PLAC1: variants seen among roughly 807,000 people sequenced by gnomAD.
PLAC1 encodes placenta associated 1, also known as placenta-specific protein 1.
For synonymous variants in PLAC1, 68 were observed against 62.1 expected, an observed-to-expected ratio of 1.09 and a Z score of -0.44; for missense variants, 136 against 163.2, an observed-to-expected ratio of 0.83 and a Z score of 0.91.
chrX:134,631,986 T>C (rs2078264676), intron 1 of PLAC1, among the ~76,000 whole-genome samples: 1 of 112,013 alleles, frequency 8.9e-6, no homozygotes, highest in African/African-American at 3.2e-5. Context: ...AGACTGAAGG[T>C]GGAACGAAAT....
chrX:134,622,814 A>G (rs1177017515), intron 1 of PLAC1, among the ~76,000 whole-genome samples: 1 of 111,995 alleles, frequency 8.9e-6, no homozygotes, highest in Non-Finnish European at 1.9e-5. Context: ...ATGACCTCTA[A>G]GGGTTCTTCC....
intron 2 of PLAC1, among the ~76,000 whole-genome samples, chrX:134,714,425 C>A (rs2078637454): frequency 9.1e-6 from 1 of 110,225 alleles, no homozygotes; most frequent in Non-Finnish European, 1.9e-5. Flanking sequence ...AGGGCACTAA[C>A]CTTTCATGGC....
intron 2 of PLAC1, among the ~76,000 whole-genome samples, chrX:134,583,236 G>A (rs1226186190): frequency 1.4e-5 from 1 of 72,227 alleles, no homozygotes; most frequent in Non-Finnish European, 2.7e-5. Flanking sequence ...ATAATGATAA[G>A]GAGGGTTTTC....
At chrX:134,672,300 T>C (rs2078458379) in intron 2 of PLAC1, among the ~76,000 whole-genome samples, 1 of 110,925 alleles carries the variant, frequency 9.0e-6, no homozygotes, top group African/African-American at 3.3e-5. Context: ...CAAGGGCTTA[T>C]CATAACATCC....
chrX:134,759,907 A>G (rs1400381117), intron 1 of PLAC1, among the ~76,000 whole-genome samples: 1 of 111,535 alleles, frequency 9.0e-6, no homozygotes, highest in African/African-American at 3.3e-5. Flanking sequence ...GATAACAGAG[A>G]CTGGGAAGGG....
At chrX:134,635,522 T>A (rs1332307492) in intron 1 of PLAC1, among the ~76,000 whole-genome samples, 2 of 110,865 alleles carry the variant, frequency 1.8e-5, no homozygotes, top group Non-Finnish European at 3.8e-5. Flanking sequence ...AAAAAAATCA[T>A]ACAGACAGGG....
chrX:134,629,857 A>C (rs2078252000), intron 1 of PLAC1, among the ~76,000 whole-genome samples: 1 of 111,584 alleles, frequency 9.0e-6, no homozygotes, highest in East Asian at 2.8e-4. Flanking sequence ...GCTGAGGTGT[A>C]GCTCTTTGCA....
At chrX:134,726,626 C>A (rs2078675032) in intron 2 of PLAC1, among the ~76,000 whole-genome samples, 1 of 110,198 alleles carries the variant, frequency 9.1e-6, no homozygotes, top group Non-Finnish European at 1.9e-5. Flanking sequence ...AGATCGAGAC[C>A]ATCCTGGCCA....
At chrX:134,696,810 C>T (rs1024328182) in intron 2 of PLAC1, among the ~76,000 whole-genome samples, 1 of 109,662 alleles carries the variant, frequency 9.1e-6, no homozygotes, top group Non-Finnish European at 1.9e-5. Flanking sequence ...GGGAGGATCA[C>T]GAGGTCAGGA....
intron 1 of PLAC1, among the ~76,000 whole-genome samples, chrX:134,614,102 C>A (rs2078167691): frequency 9.0e-6 from 1 of 110,604 alleles, no homozygotes; most frequent in Admixed American, 9.7e-5. Flanking sequence ...GGGCCCACCT[C>A]CTCCAGGAAG....
chrX:134,740,313 G>A (rs1382900326), intron 1 of PLAC1, among the ~76,000 whole-genome samples: 3 of 87,544 alleles, frequency 3.4e-5, no homozygotes, highest in East Asian at 6.5e-4. Flanking sequence ...GTGAAATTCC[G>A]TCTCCAAAAA....
chrX:134,673,418 T>G (rs992930034), intron 2 of PLAC1, among the ~76,000 whole-genome samples: 1 of 109,812 alleles, frequency 9.1e-6, no homozygotes, highest in Non-Finnish European at 1.9e-5. Flanking sequence ...TTGAGTGTAT[T>G]TGTGTGACAG....
chrX:134,589,933 C>T (rs1297536242), intron 2 of PLAC1, among the ~76,000 whole-genome samples: 23 of 110,339 alleles, frequency 2.1e-4, no homozygotes, highest in Non-Finnish European at 1.5e-4. Flanking sequence ...CGGTGGCTCA[C>T]GCCTGTAATC....
At chrX:134,762,821 C>CAAAA (rs60721487) in intron 1 of PLAC1, among the ~76,000 whole-genome samples, 47 of 14,821 alleles carry the variant, frequency 3.2e-3, no homozygotes, top group East Asian at 4.2e-3. Flanking sequence ...GGCTCTATCT[C>CAAAA]AAAAAAAAAA....
chrX:134,751,284 G>A (rs932357840), intron 1 of PLAC1, among the ~76,000 whole-genome samples: 6 of 108,985 alleles, frequency 5.5e-5, no homozygotes, highest in African/African-American at 2.0e-4. Context: ...TCCCATCATC[G>A]TGGAAAGTTC....
At chrX:134,655,235 G>A (rs1224555983) in intron 1 of PLAC1, among the ~76,000 whole-genome samples, 1 of 108,872 alleles carries the variant, frequency 9.2e-6, no homozygotes, top group East Asian at 2.8e-4. Context: ...ATAGATCAAA[G>A]AAGTAGAACA....
intron 2 of PLAC1, among the ~76,000 whole-genome samples, chrX:134,691,490 G>A (rs1214685953): frequency 1.8e-5 from 2 of 111,226 alleles, no homozygotes; most frequent in African/African-American, 6.5e-5. Context: ...AAGCAGGAGA[G>A]GCCAGAATAT....
intron 2 of PLAC1, among the ~76,000 whole-genome samples, chrX:134,688,460 A>G (rs943206548): frequency 2.7e-5 from 3 of 112,531 alleles, no homozygotes; most frequent in Non-Finnish European, 5.6e-5. Context: ...GTTCATTACT[A>G]AATACTCATC....
intron 1 of PLAC1, among the ~76,000 whole-genome samples, chrX:134,736,696 C>G (rs989549239): frequency 8.9e-6 from 1 of 112,072 alleles, no homozygotes; most frequent in African/African-American, 3.3e-5. Flanking sequence ...AAGGCTCTGG[C>G]GCCCTTCAAC....
Sources: allele counts gnomAD v4.1 joint callset (sites outside exome capture counted in the v4.1 genomes callset), GRCh38; gene constraint gnomAD v4.1.1; transcripts MANE v1.5; gene names NCBI Gene and HGNC (gene_info 2026-07-23, HGNC 2026-07-21).